The following AGMO variants were observed in gnomAD, a reference collection of about 807,000 sequenced individuals.
AGMO encodes glyceryl-ether monooxygenase.
Under a neutral mutation model 60.2 loss-of-function variants are expected in AGMO, and 75 were observed. The ratio of observed to expected loss-of-function variants is 1.25; its 90% CI spans 1.03 to 1.51. The LOEUF (loss-of-function observed/expected upper bound fraction) is 1.51, where lower values mean the gene tolerates loss of function less well. Among genes scored for constraint, AGMO ranks in the 40% most tolerant of loss-of-function variants. The pLI is 0.00. For missense variants in AGMO, 763 were observed against 525.5 expected (o/e 1.45, Z -4.42); for synonymous variants, 261 against 177.1 (o/e 1.47, Z -3.76).
chr7:15,414,098 C>G (rs1780690561), intron 5 of AGMO, among the ~76,000 whole-genome samples: 1 of 151,004 alleles, frequency 6.6e-6, no homozygotes, highest in Non-Finnish European at 1.5e-5. Flanking sequence ...AGCTCCGCCT[C>G]CCAGGTTCAT....
At chr7:15,307,034 A>T (rs1203060599) in intron 12 of AGMO, among the ~76,000 whole-genome samples, 1 of 152,090 alleles carries the variant, frequency 6.6e-6, no homozygotes, top group African/African-American at 2.4e-5. Context: ...AAACGAAATA[A>T]TTATAAAGTG....
intron 12 of AGMO, among the ~76,000 whole-genome samples, chr7:15,359,959 C>T (rs1188928605): frequency 6.6e-6 from 1 of 152,184 alleles, no homozygotes; most frequent in Non-Finnish European, 1.5e-5. Flanking sequence ...TACTAAGAAT[C>T]ATCACATGTG....
intron 3 of AGMO, among the ~76,000 whole-genome samples, chr7:15,537,145 A>G (rs1784503119): frequency 6.6e-6 from 1 of 152,086 alleles, no homozygotes; most frequent in Non-Finnish European, 1.5e-5. Context: ...AAACCTTCAC[A>G]TAACCTTCCA....
the AGMO span, among the ~76,000 whole-genome samples, chr7:15,183,584 T>C: frequency 6.6e-6 from 1 of 152,170 alleles, no homozygotes; most frequent in Non-Finnish European, 1.5e-5. Flanking sequence ...TGGTTCTTCT[T>C]CAGATTCTTA....
intron 3 of AGMO, among the ~76,000 whole-genome samples, chr7:15,443,762 A>G (rs1781627542): frequency 2.0e-5 from 3 of 152,180 alleles, no homozygotes; most frequent in Admixed American, 2.0e-4. Flanking sequence ...CTGAACTAAA[A>G]TCAGAAGAGT....
chr7:15,189,852 A>G, the AGMO span, among the ~76,000 whole-genome samples: 1 of 151,010 alleles, frequency 6.6e-6, no homozygotes, highest in African/African-American at 2.4e-5. Context: ...AAAATTCAAC[A>G]AGAATTTTTT....
the AGMO span, among the ~76,000 whole-genome samples, chr7:15,178,017 G>A: frequency 1.3e-5 from 2 of 151,892 alleles, no homozygotes; most frequent in African/African-American, 2.4e-5. Context: ...TATATTGTTC[G>A]TTTTATGTAC....
chr7:15,476,039 T>A (rs909781120), intron 3 of AGMO, among the ~76,000 whole-genome samples: 2 of 152,186 alleles, frequency 1.3e-5, no homozygotes, highest in East Asian at 1.9e-4. Flanking sequence ...CTGGTTTAAA[T>A]TGGACTCAAG....
At chr7:15,355,498 C>CT (rs1275945114) in intron 12 of AGMO, among the ~76,000 whole-genome samples, 1 of 90,650 alleles carries the variant, frequency 1.1e-5, no homozygotes, top group Non-Finnish European at 1.9e-5. Context: ...GAGTGAGACT[C>CT]TGTCTCAAAA....
chr7:15,534,899 A>T (rs955823318), intron 3 of AGMO, among the ~76,000 whole-genome samples: 2 of 151,864 alleles, frequency 1.3e-5, no homozygotes, highest in African/African-American at 4.8e-5. Flanking sequence ...TAATATTTAT[A>T]TTATTGCATT....
At chr7:15,364,218 C>T (rs1782875788) in intron 12 of AGMO, among the ~76,000 whole-genome samples, 1 of 151,740 alleles carries the variant, frequency 6.6e-6, no homozygotes, top group South Asian at 2.1e-4. Context: ...CTGCTTCTTC[C>T]TTTCTTCTAA....
the AGMO span, among the ~76,000 whole-genome samples, chr7:15,175,347 T>A: frequency 6.6e-6 from 1 of 151,930 alleles, no homozygotes; most frequent in Non-Finnish European, 1.5e-5. Context: ...TTACTCAGAA[T>A]CGCCATAGTT....
At chr7:15,286,129 A>G (rs1231217007) in intron 12 of AGMO, among the ~76,000 whole-genome samples, 5 of 152,132 alleles carry the variant, frequency 3.3e-5, no homozygotes, top group Non-Finnish European at 7.4e-5. Context: ...ATTGTATAAA[A>G]TAGCCTAGAA....
At chr7:15,454,980 G>C (rs528362955) in intron 3 of AGMO, among the ~76,000 whole-genome samples, 1 of 151,530 alleles carries the variant, frequency 6.6e-6, no homozygotes. Flanking sequence ...TCTTCCATTA[G>C]TATTTTTTAA....
At chr7:15,463,482 G>A (rs1185318301) in intron 3 of AGMO, among the ~76,000 whole-genome samples, 2 of 152,104 alleles carry the variant, frequency 1.3e-5, no homozygotes, top group African/African-American at 4.8e-5. Context: ...CACACATACA[G>A]AAATAAAATA....
At chr7:15,378,422 C>T (rs1376448399) in intron 10 of AGMO, among the ~76,000 whole-genome samples, 3 of 151,956 alleles carry the variant, frequency 2.0e-5, no homozygotes, top group Non-Finnish European at 4.4e-5. Flanking sequence ...GATTGCATCC[C>T]ATCCTTCTGT....
chr7:15,243,758 A>C (rs1286932215), intron 12 of AGMO, among the ~76,000 whole-genome samples: 1 of 152,146 alleles, frequency 6.6e-6, no homozygotes, highest in African/African-American at 2.4e-5. Flanking sequence ...TATTTTTTCA[A>C]AGCACGAAAA....
chr7:15,517,823 C>T (rs118005617), intron 3 of AGMO, among the ~76,000 whole-genome samples: 1 of 152,026 alleles, frequency 6.6e-6, no homozygotes, highest in Non-Finnish European at 1.5e-5. Flanking sequence ...TGAGACAGAA[C>T]TGCTCACTTC....
chr7:15,136,822 G>C, the AGMO span, among the ~76,000 whole-genome samples: 2 of 151,874 alleles, frequency 1.3e-5, no homozygotes, highest in African/African-American at 4.8e-5. Context: ...CCTATCTCTT[G>C]TCAAGTTTTC....
Sources: gnomAD v4.1 joint callset for allele counts (sites outside exome capture counted in the v4.1 genomes callset) on GRCh38, gnomAD v4.1.1 for gene constraint, MANE v1.5 for transcripts, NCBI Gene and HGNC (gene_info 2026-07-23, HGNC 2026-07-21) for gene names.